UBE3A: variants seen among roughly 807,000 people sequenced by gnomAD.
The protein encoded by UBE3A is ubiquitin protein ligase E3A.
A neutral mutation model predicts 83.4 loss-of-function variants in UBE3A; 6 were observed. The ratio of observed to expected loss-of-function variants is 0.07; its 90% CI spans 0.04 to 0.14. UBE3A has a LOEUF of 0.14. Ranked by LOEUF, UBE3A falls within the 10% of genes least tolerant of loss-of-function variation. The pLI is 1.00. For missense variants in UBE3A, 456 were observed against 1,036.1 expected (o/e 0.44, Z 7.69); for synonymous variants, 337 against 355.4 (o/e 0.95, Z 0.58).
intron 4 of UBE3A, among the ~76,000 whole-genome samples, chr15:25,398,770 T>TA (rs1567066949): frequency 1.2e-3 from 98 of 83,536 alleles, no homozygotes; most frequent in African/African-American, 2.4e-3. Flanking sequence ...TATTCTTTTA[T>TA]TTATATATAT....
chr15:25,339,007 A>ATCTT lies in UBE3A; in HGVS notation c.*126_*129dup, dbSNP rs1366004481. On this transcript the variant is annotated 3_prime_UTR_variant, in exon 13 of 13. Transcript: ENST00000648336. ...ACATAGGTGACTACTGTGGTTGACT[A>ATCTT]TCTTACAGCCTTTTTGTACTGGGAC... is the stretch of plus-strand genomic sequence containing the variant. 1.8e-6 allele frequency: 2 copies of ATCTT among 1,088,734 alleles called. No homozygotes were observed. The highest frequency in any genetic ancestry group is 6.4e-5 in the Admixed American group (2 of 31,390). 67.4% of individuals were successfully genotyped at this position (1,088,734 alleles called of 1,614,324 possible).
rs187906143 is a variant in UBE3A, at chr15:25,357,978, G to A, written c.1754-1082C>T. 1.8e-3 allele frequency among the ~76,000 whole-genome samples: 255 copies of A among 141,628 alleles called. 2 individuals are homozygous for A. The highest frequency in any genetic ancestry group is 6.8e-3 in the African/African-American group (253 of 37,220). 92.9% of individuals were successfully genotyped at this position (141,628 alleles called of 152,430 possible). A position where few individuals can be genotyped will look rare whatever the true frequency, so the allele number is the denominator to read the frequency against. ...GGAGTGCAGCAGCACTCAGCTTAGTGCAAGCTCCGCCTCCCGGGTTCATGC... is the reference window on the plus strand; with the variant it reads ...GGAGTGCAGCAGCACTCAGCTTAGTACAAGCTCCGCCTCCCGGGTTCATGC... On this transcript the variant is annotated intron_variant, in intron 7 of 12. Transcript: ENST00000648336.
rs1349143544 is a variant in UBE3A, at chr15:25,335,882, G to A, written c.*3255C>T. 6.6e-6 allele frequency: 1 copy of A among 152,188 alleles called. No individual in the cohort carries two copies. Among genetic ancestry groups the A allele is most frequent in the African/African-American group, 2.4e-5 (1 of 41,418 alleles). The allele number at this position is 152,188 out of a possible 1,614,324, so 9.4% of individuals were successfully genotyped here. Reference sequence around the variant, plus strand: ...TGGGTAAACTGGGATGGAAAAACAAGTAGCCAGAGAAGCAACAGCCCAAGC... The same window carrying A: ...TGGGTAAACTGGGATGGAAAAACAAATAGCCAGAGAAGCAACAGCCCAAGC... On this transcript the variant is annotated 3_prime_UTR_variant, in exon 13 of 13. Transcript: ENST00000648336.
chr15:25,360,532 T>G lies in UBE3A; in HGVS notation c.1609-5A>C. 6.2e-7 allele frequency: 1 copy of G among 1,612,754 alleles called. No homozygotes were observed. The highest frequency in any genetic ancestry group is 8.5e-7 in the Non-Finnish European group (1 of 1,179,654). The stretch of plus-strand genomic sequence containing the variant: ...TTCCATAGCGATCATCTCTAGCTAG[T>G]GATTGAAAAGATAAACATGAAAAGA... On this transcript the variant is annotated splice_region_variant and splice_polypyrimidine_tract_variant and intron_variant, in intron 6 of 12. Coordinates refer to ENST00000648336, the MANE Select transcript of UBE3A (RefSeq NM_130839.5).
chr15:25,416,642 T>TA (rs34305718), intron 1 of UBE3A, among the ~76,000 whole-genome samples: 2,951 of 109,208 alleles, frequency 0.027, 35 homozygotes, highest in Middle Eastern at 0.062. Flanking sequence ...TAAAACATTC[T>TA]AAAAAAAAAA....
intron 11 of UBE3A, among the ~76,000 whole-genome samples, chr15:25,343,252 C>A (rs975170614): frequency 6.6e-6 from 1 of 152,002 alleles, no homozygotes; most frequent in African/African-American, 2.4e-5. Context: ...AAGAGTCTGG[C>A]GAATGAGAAG....
At chr15:25,392,311 G>T (rs1437483504) in intron 4 of UBE3A, among the ~76,000 whole-genome samples, 1 of 151,972 alleles carries the variant, frequency 6.6e-6, no homozygotes, top group Non-Finnish European at 1.5e-5. Flanking sequence ...TTGACTTTTG[G>T]GTCTAGGACA....
At chr15:25,355,811 A>G in intron 9 of UBE3A, 81 bp downstream of exon 9, 1 of 1,334,756 alleles carries the variant, frequency 7.5e-7, no homozygotes, top group Non-Finnish European at 1.1e-6. Flanking sequence ...ACTATATTAG[A>G]TACTTCTTTA....
At chr15:25,340,907 T>A (rs2074636714) in intron 11 of UBE3A, among the ~76,000 whole-genome samples, 1 of 152,180 alleles carries the variant, frequency 6.6e-6, no homozygotes, top group Admixed American at 6.6e-5. Flanking sequence ...GAATGATTTA[T>A]CCTGTGGCAT....
intron 1 of UBE3A, among the ~76,000 whole-genome samples, chr15:25,423,967 C>T (rs1428071459): frequency 1.3e-5 from 2 of 152,256 alleles, no homozygotes; most frequent in East Asian, 3.9e-4. Context: ...TCAGTCACGT[C>T]TTAATCTGTA....
intron 4 of UBE3A, among the ~76,000 whole-genome samples, chr15:25,376,493 A>T (rs558215805): frequency 1.8e-4 from 27 of 152,000 alleles, no homozygotes; most frequent in South Asian, 1.0e-3. Flanking sequence ...AAACTTTTTT[A>T]AAAAAAATTA....
At chr15:25,366,049 C>A (rs145320182) in intron 6 of UBE3A, among the ~76,000 whole-genome samples, 1 of 152,100 alleles carries the variant, frequency 6.6e-6, no homozygotes, top group African/African-American at 2.4e-5. Context: ...ACATGTAATA[C>A]TAAGTTTGAT....
chr15:25,338,114 A>ATGAT lies in UBE3A; in HGVS notation c.*1019_*1022dup, dbSNP rs1358458389. 1 of 152,164 alleles carries ATGAT rather than the reference A, an allele frequency of 6.6e-6. No individual in the cohort carries two copies. 9.4% of individuals were successfully genotyped at this position (152,164 alleles called of 1,614,324 possible). A position where few individuals can be genotyped will look rare whatever the true frequency, so the allele number is the denominator to read the frequency against. The stretch of plus-strand genomic sequence containing the variant: ...TCGATAAAATGGCTGATTCAACAAG[A>ATGAT]TGATGGCAACACGAAGGGGAGACTT... On this transcript the variant is annotated 3_prime_UTR_variant, in exon 13 of 13. Coordinates refer to ENST00000648336, the MANE Select transcript of UBE3A (RefSeq NM_130839.5).
intron 6 of UBE3A, among the ~76,000 whole-genome samples, chr15:25,367,315 A>G (rs979911358): frequency 7.2e-5 from 10 of 139,722 alleles, no homozygotes; most frequent in African/African-American, 3.1e-4. Context: ...AAATTAAATT[A>G]CATATTTATA....
At chr15:25,347,394 A>G (rs1182264086) in intron 11 of UBE3A, among the ~76,000 whole-genome samples, 1 of 152,190 alleles carries the variant, frequency 6.6e-6, no homozygotes, top group Admixed American at 6.5e-5. Context: ...AATGACCGTG[A>G]AAACAACTAT....
At chr15:25,387,610 T>A (rs1018531267) in intron 4 of UBE3A, among the ~76,000 whole-genome samples, 1 of 151,148 alleles carries the variant, frequency 6.6e-6, no homozygotes, top group Non-Finnish European at 1.5e-5. Context: ...TAAATCCAAA[T>A]AGAAGTAATA....
At chr15:25,387,641 T>C (rs915313385) in intron 4 of UBE3A, among the ~76,000 whole-genome samples, 19 of 152,110 alleles carry the variant, frequency 1.2e-4, no homozygotes, top group African/African-American at 4.6e-4. Flanking sequence ...CAGAAATCAA[T>C]GAAATTGAAA....
rs541345429 is a variant in UBE3A at position 25,338,332 on chromosome 15, C to G, written c.*805G>C. On this transcript the variant is annotated 3_prime_UTR_variant, in exon 13 of 13. Coordinates refer to ENST00000648336, the MANE Select transcript of UBE3A (RefSeq NM_130839.5). ...AAACTTAAAACAACAACGAGAACAA[C>G]AAGAACAAAAATCCCTGTCCTTTCA... 4 of 152,118 alleles carry G rather than the reference C, an allele frequency of 2.6e-5. No homozygotes were observed. The highest frequency in any genetic ancestry group is 4.8e-5 in the African/African-American group (2 of 41,520). 9.4% of individuals were successfully genotyped at this position (152,118 alleles called of 1,614,324 possible). A position where few individuals can be genotyped will look rare whatever the true frequency, so the allele number is the denominator to read the frequency against.
chr15:25,406,856 G>GAAA (rs11413336), intron 3 of UBE3A, among the ~76,000 whole-genome samples: 11 of 114,672 alleles, frequency 9.6e-5, no homozygotes, highest in Non-Finnish European at 1.3e-4. Context: ...AATGGAAAAG[G>GAAA]AAAAAAAAAA....
Sources: gnomAD v4.1 joint callset for allele counts (sites outside exome capture counted in the v4.1 genomes callset) on GRCh38, gnomAD v4.1.1 for gene constraint, MANE v1.5 for transcripts, NCBI Gene and HGNC (gene_info 2026-07-23, HGNC 2026-07-21) for gene names.